GALNT18: variants seen among roughly 807,000 people sequenced by gnomAD.
GALNT18 encodes the protein polypeptide N-acetylgalactosaminyltransferase 18.
A neutral mutation model predicts 69.5 loss-of-function variants in GALNT18; 44 were observed. The ratio of observed to expected loss-of-function variants is 0.63; its 90% CI spans 0.50 to 0.81. The LOEUF is 0.81. Ranked by LOEUF, GALNT18 falls within the 40% of genes least tolerant of loss-of-function variation. GALNT18 has a pLI of 0.00. For missense variants in GALNT18, 715 were observed against 810.0 expected, an observed-to-expected ratio of 0.88 and a Z score of 1.42; for synonymous variants, 364 against 318.2, an observed-to-expected ratio of 1.14 and a Z score of -1.53.
rs747511575 is a variant in GALNT18 at position 11,396,811 on chromosome 11, A to G, written c.596-17547T>C. Among the ~76,000 whole-genome samples, 14 of 152,154 alleles carry G rather than the reference A, an allele frequency of 9.2e-5. No individual in the cohort carries two copies. The highest frequency in any genetic ancestry group is 2.1e-4 in the Non-Finnish European group (14 of 68,024). On this transcript the variant is annotated intron_variant, in intron 3 of 10. Coordinates refer to ENST00000227756, the MANE Select transcript of GALNT18 (RefSeq NM_198516.3). This position sits in a 1 kb window ranked among gnomAD's most constrained non-coding sequence, Gnocchi z 5.2. ...TATTTCTGGCCCGCACTGCAGCATC[A>G]GTGGGGAGGAAAATAGGGAGGGTCT...
chr11:11,337,077 C>G lies in GALNT18; in HGVS notation c.1278+3742G>C, dbSNP rs572115213. Among the ~76,000 whole-genome samples the G allele has an allele frequency of 2.6e-5, 4 of 152,290 alleles. No individual in the cohort carries two copies. The highest frequency in any genetic ancestry group is 1.3e-4 in the Admixed American group (2 of 15,302). The stretch of plus-strand genomic sequence containing the variant: ...GTTACACAAACCTGGCCACCCTAAA[C>G]TCTCATCTGGAGGGCTTTTTGTAGA... On this transcript the variant is annotated intron_variant, in intron 7 of 10. Coordinates refer to ENST00000227756, the MANE Select transcript of GALNT18 (RefSeq NM_198516.3). The surrounding 1 kb of genome is among the most constrained non-coding windows in gnomAD (Gnocchi z 4.9).
At chr11:11,527,192 C>T (rs1348375008) in intron 1 of GALNT18, among the ~76,000 whole-genome samples, 1 of 152,194 alleles carries the variant, frequency 6.6e-6, no homozygotes, top group Non-Finnish European at 1.5e-5. Context: ...CCTGCCAACT[C>T]TGCACTAAGG....
At chr11:11,287,922 A>C (rs72859277) in intron 10 of GALNT18, among the ~76,000 whole-genome samples, 9,562 of 152,226 alleles carry the variant, frequency 0.063, 415 homozygotes, top group Non-Finnish European at 0.092. Context: ...ATCATTGTGT[A>C]ATAACCTGCT....
chr11:11,290,346 C>A (rs140436538), intron 10 of GALNT18, among the ~76,000 whole-genome samples: 109 of 152,324 alleles, frequency 7.2e-4, no homozygotes, highest in Non-Finnish European at 1.2e-3. Flanking sequence ...TCTAGAATCT[C>A]TCCTAATCTA....
Position 11,339,504 on chromosome 11 carries a change from T to C in GALNT18, c.1278+1315A>G, listed in dbSNP as rs1850166132. Among the ~76,000 whole-genome samples the C allele has an allele frequency of 6.6e-6, 1 of 152,016 alleles. No individual in the cohort carries two copies. The highest frequency in any genetic ancestry group is 1.5e-5 in the Non-Finnish European group (1 of 68,006). ...CCTCACTGGTGAGCTCCTGGGGAGTTTCCAAGTGTTCTTAATATTTTGCCA... is the reference window on the plus strand; with the variant it reads ...CCTCACTGGTGAGCTCCTGGGGAGTCTCCAAGTGTTCTTAATATTTTGCCA... On this transcript the variant is annotated intron_variant, in intron 7 of 10. Transcript: ENST00000227756. The surrounding 1 kb of genome is among the most constrained non-coding windows in gnomAD (Gnocchi z 5.2).
At chr11:11,448,403 T>C (rs1381065348) in intron 2 of GALNT18, among the ~76,000 whole-genome samples, 2 of 152,020 alleles carry the variant, frequency 1.3e-5, no homozygotes, top group African/African-American at 2.4e-5. Context: ...AAAAACTAAT[T>C]TACAGAAAAA....
chr11:11,300,946 A>G (rs1472429872), intron 9 of GALNT18, among the ~76,000 whole-genome samples: 1 of 152,214 alleles, frequency 6.6e-6, no homozygotes, highest in Non-Finnish European at 1.5e-5. Context: ...TTGGCGCAAC[A>G]CACACCCTTC....
intron 9 of GALNT18, among the ~76,000 whole-genome samples, chr11:11,303,925 C>A (rs1320458903): frequency 6.6e-6 from 1 of 152,188 alleles, no homozygotes; most frequent in East Asian, 1.9e-4. Flanking sequence ...TAGCACACAC[C>A]CCTTGGAGGG....
intron 2 of GALNT18, among the ~76,000 whole-genome samples, chr11:11,443,330 G>A (rs550187078): frequency 7.9e-5 from 12 of 152,204 alleles, no homozygotes; most frequent in Admixed American, 7.8e-4. Flanking sequence ...CTTGGGCAAA[G>A]GACTTCTTCA....
rs1849723186 is a variant in GALNT18 at position 11,314,782 on chromosome 11, G to C, written c.1512+12304C>G. 6.6e-6 allele frequency among the ~76,000 whole-genome samples: 1 copy of C among 152,192 alleles called. No homozygotes were observed. The highest frequency in any genetic ancestry group is 1.5e-5 in the Non-Finnish European group (1 of 68,032). On this transcript the variant is annotated intron_variant, in intron 9 of 10. Transcript: ENST00000227756. This position sits in a 1 kb window ranked among gnomAD's most constrained non-coding sequence, Gnocchi z 5.2. ...GGATTCTAAGGAGTCAGTGCTGGTA[G>C]AGAAAGCAGCGCTGCTGGGTGGTAG...
chr11:11,340,827 G>C lies in GALNT18; in HGVS notation c.1270C>G (p.Pro424Ala). 1 of 1,610,254 alleles carries C rather than the reference G, an allele frequency of 6.2e-7. No individual in the cohort carries two copies. The highest frequency in any genetic ancestry group is 8.5e-7 in the Non-Finnish European group (1 of 1,178,098). Residue 424 changes from proline to alanine, a missense_variant, in exon 7 of 11, where the codon CCG becomes GCG. Coordinates refer to ENST00000227756, the MANE Select transcript of GALNT18 (RefSeq NM_198516.3). The surrounding 1 kb of genome is among the most constrained non-coding windows in gnomAD (Gnocchi z 4.2). ...CTACCGGAGATCCCTACCTCCTGCG[G>C]TATGTTCCATGCCATGTAGACGTGG... The part of the protein sequence containing the change: ...KSHVYMAWNI[P>A]QEDSGIDIGD...
chr11:11,285,007 C>T (rs114385383), intron 10 of GALNT18, among the ~76,000 whole-genome samples: 1,587 of 144,434 alleles, frequency 0.011, 25 homozygotes, highest in African/African-American at 0.039. Flanking sequence ...GTGTGAAGGG[C>T]CCCTTGGACT....
rs1319157068 is a variant in GALNT18 at position 11,564,524 on chromosome 11, T to G, written c.235+56835A>C. Among the ~76,000 whole-genome samples the G allele has an allele frequency of 2.0e-5, 3 of 152,232 alleles. No individual in the cohort carries two copies. The highest frequency in any genetic ancestry group is 4.4e-5 in the Non-Finnish European group (3 of 68,032). On this transcript the variant is annotated intron_variant, in intron 1 of 10. Transcript: ENST00000227756. This position sits in a 1 kb window ranked among gnomAD's most constrained non-coding sequence, Gnocchi z 4.3. Reference sequence around the variant, plus strand: ...GCCCTATGCATTTTATCTGCCTTATTTGAGGGCTGAAAGAGTCATTTGCCT... The same window carrying G: ...GCCCTATGCATTTTATCTGCCTTATGTGAGGGCTGAAAGAGTCATTTGCCT...
At chr11:11,522,299 T>C (rs1047656697) in intron 1 of GALNT18, among the ~76,000 whole-genome samples, 3 of 152,154 alleles carry the variant, frequency 2.0e-5, no homozygotes, top group Non-Finnish European at 2.9e-5. Context: ...AACTGGAAGC[T>C]CTTAAGCTTC....
At chr11:11,324,740 T>G (rs1217081681) in intron 9 of GALNT18, among the ~76,000 whole-genome samples, 2 of 152,210 alleles carry the variant, frequency 1.3e-5, no homozygotes, top group Non-Finnish European at 2.9e-5. Flanking sequence ...TTTGGCTTTT[T>G]GATGAGAGTA....
At chr11:11,482,157 C>G (rs774183633) in intron 1 of GALNT18, among the ~76,000 whole-genome samples, 7 of 152,232 alleles carry the variant, frequency 4.6e-5, no homozygotes, top group Non-Finnish European at 1.0e-4. Context: ...GCTAGTTCCA[C>G]TGGGGCCTTT....
At position 11,619,379 on chromosome 11, in the gene GALNT18, C is replaced by T. The variant is rs950249397; in HGVS notation, c.235+1980G>A. 9.2e-5 allele frequency among the ~76,000 whole-genome samples: 14 copies of T among 152,058 alleles called. No individual in the cohort carries two copies. Among genetic ancestry groups the T allele is most frequent in the Non-Finnish European group, 1.6e-4 (11 of 68,020 alleles). Reference sequence around the variant, plus strand: ...GAACAACACATAGTTATAAAGTTTCCGGGGAGAAAAATCACAATGCTTCCT... The same window carrying T: ...GAACAACACATAGTTATAAAGTTTCTGGGGAGAAAAATCACAATGCTTCCT... On this transcript the variant is annotated intron_variant, in intron 1 of 10. Coordinates refer to ENST00000227756, the MANE Select transcript of GALNT18 (RefSeq NM_198516.3). The surrounding 1 kb of genome is among the most constrained non-coding windows in gnomAD (Gnocchi z 4.9).
intron 2 of GALNT18, among the ~76,000 whole-genome samples, chr11:11,433,927 T>A (rs1392866239): frequency 6.6e-6 from 1 of 152,132 alleles, no homozygotes; most frequent in African/African-American, 2.4e-5. Flanking sequence ...GTGACCATGT[T>A]CCACTGCTCC....
In GALNT18 at chr11:11,470,201, T is replaced by A. The variant is rs1360614473; in HGVS notation, c.236-21265A>T. On this transcript the variant is annotated intron_variant, in intron 1 of 10. Coordinates refer to ENST00000227756, the MANE Select transcript of GALNT18 (RefSeq NM_198516.3). The surrounding 1 kb of genome is among the most constrained non-coding windows in gnomAD (Gnocchi z 4.8). ...GCTTGACCACAGCTGTTACTTTCAT[T>A]GTGTCACTAAGGGCAGAGACCCTGT... Among the ~76,000 whole-genome samples the A allele has an allele frequency of 2.6e-5, 4 of 152,200 alleles. No individual in the cohort carries two copies. The highest frequency in any genetic ancestry group is 9.7e-5 in the African/African-American group (4 of 41,446).
Sources: allele counts gnomAD v4.1 joint callset (sites outside exome capture counted in the v4.1 genomes callset), GRCh38; gene constraint gnomAD v4.1.1; non-coding constraint Gnocchi (gnomAD v3.1); transcripts MANE v1.5; gene names NCBI Gene and HGNC (gene_info 2026-07-23, HGNC 2026-07-21).